Variants in CARMIL1 observed in about 807,000 individuals in gnomAD.
CARMIL1 encodes F-actin-uncapping protein LRRC16A.
In CARMIL1, 90 loss-of-function variants were observed where a neutral mutation model predicts 177.1. That is an observed-to-expected ratio of 0.51 (90% CI 0.43 to 0.61). The LOEUF is 0.61. Among genes scored for constraint, CARMIL1 ranks in the 20% least tolerant of loss-of-function variants. The probability of loss-of-function intolerance (pLI) is 0.00; values close to 1 mark genes in which losing one functional copy is unlikely to be tolerated. For synonymous variants in CARMIL1, 577 were observed against 606.2 expected, an observed-to-expected ratio of 0.95 and a Z score of 0.71; for missense variants, 1,380 against 1,667.0, an observed-to-expected ratio of 0.83 and a Z score of 3.00.
intron 8 of CARMIL1, among the ~76,000 whole-genome samples, chr6:25,454,581 T>C (rs542182495): frequency 3.9e-5 from 6 of 152,334 alleles, no homozygotes; most frequent in African/African-American, 1.2e-4. Flanking sequence ...TGTATAAATA[T>C]TACTATGGTA....
chr6:25,396,481 C>A (rs2080236465), intron 2 of CARMIL1, among the ~76,000 whole-genome samples: 1 of 151,638 alleles, frequency 6.6e-6, no homozygotes, highest in South Asian at 2.1e-4. Context: ...CCTGTCTCAG[C>A]CTCCCGAGTA....
intron 2 of CARMIL1, among the ~76,000 whole-genome samples, chr6:25,414,193 C>CT (rs1267478155): frequency 6.6e-6 from 1 of 152,174 alleles, no homozygotes; most frequent in Middle Eastern, 3.2e-3. Flanking sequence ...TCTGTAATCT[C>CT]TAACTCTCTA....
intron 17 of CARMIL1, among the ~76,000 whole-genome samples, chr6:25,502,006 A>AC (rs1264500006): frequency 2.0e-5 from 3 of 151,264 alleles, no homozygotes; most frequent in Admixed American, 2.0e-4. Context: ...AAAAAAAAAA[A>AC]AAAAAACCCA....
At chr6:25,500,130 G>A (rs1483166177) in intron 16 of CARMIL1, 36 bp from the exon 17 acceptor site, 2 of 1,584,584 alleles carry the variant, frequency 1.3e-6, no homozygotes, top group Non-Finnish European at 1.7e-6. Flanking sequence ...GCAGTGTGTG[G>A]AATGTGTATC....
At chr6:25,346,139 G>A (rs1019226418) in intron 2 of CARMIL1, among the ~76,000 whole-genome samples, 2 of 144,742 alleles carry the variant, frequency 1.4e-5, no homozygotes, top group African/African-American at 2.6e-5. Flanking sequence ...TGCAGATTAC[G>A]TCACTCTTCT....
Position 25,308,406 on chromosome 6 carries a change from G to A in CARMIL1, c.138+23497G>A, listed in dbSNP as rs530599700. Among the ~76,000 whole-genome samples the A allele has an allele frequency of 2.1e-5, 3 of 142,738 alleles. No individual in the cohort carries two copies. In the East Asian group the frequency reaches 6.1e-4, roughly 29 times the overall value. 93.6% of individuals were successfully genotyped at this position (142,738 alleles called of 152,430 possible). On this transcript the variant is annotated intron_variant, in intron 2 of 36. Coordinates refer to ENST00000329474, the MANE Select transcript of CARMIL1 (RefSeq NM_017640.6). Reference sequence around the variant, plus strand: ...TTTTTTTTTTTTTTTTTTTGAGATGGAGTCTCCCTTTGTCACCCAGACTGG... The same window carrying A: ...TTTTTTTTTTTTTTTTTTTGAGATGAAGTCTCCCTTTGTCACCCAGACTGG...
intron 11 of CARMIL1, 39 bp from the exon 12 acceptor site, chr6:25,482,218 G>T (rs760365231): frequency 5.8e-6 from 6 of 1,028,586 alleles, no homozygotes; most frequent in Admixed American, 2.1e-5. Context: ...GCAATTCTGA[G>T]AACTTGAAAA....
intron 2 of CARMIL1, among the ~76,000 whole-genome samples, chr6:25,330,102 C>T (rs1785478458): frequency 6.6e-6 from 1 of 152,208 alleles, no homozygotes; most frequent in East Asian, 1.9e-4. Flanking sequence ...ATTGAATGCT[C>T]ATGATGTGTC....
chr6:25,461,620 G>T (rs1244455924), intron 8 of CARMIL1, among the ~76,000 whole-genome samples: 2 of 152,220 alleles, frequency 1.3e-5, no homozygotes, highest in Non-Finnish European at 2.9e-5. Context: ...TATGAACATA[G>T]CTCTTAAAAA....
intron 24 of CARMIL1, 76 bp from the exon 25 acceptor site, chr6:25,537,779 C>G: frequency 1.3e-6 from 2 of 1,558,700 alleles, no homozygotes. Context: ...TTTCATACTC[C>G]TTCGTTCTGT....
chr6:25,395,907 T>C (rs1317488246), intron 2 of CARMIL1, among the ~76,000 whole-genome samples: 1 of 152,232 alleles, frequency 6.6e-6, no homozygotes, highest in Non-Finnish European at 1.5e-5. Flanking sequence ...GGATGGCTCC[T>C]AGGATCATGC....
intron 2 of CARMIL1, among the ~76,000 whole-genome samples, chr6:25,414,945 T>C (rs1795237003): frequency 6.6e-6 from 1 of 152,208 alleles, no homozygotes; most frequent in Non-Finnish European, 1.5e-5. Flanking sequence ...ATCCAACTTC[T>C]GAAGGACACT....
chr6:25,444,586 A>G (rs1424198654), intron 5 of CARMIL1, among the ~76,000 whole-genome samples: 1 of 151,916 alleles, frequency 6.6e-6, no homozygotes, highest in African/African-American at 2.4e-5. Flanking sequence ...AAGTGATCTC[A>G]TTGTTCAATT....
intron 26 of CARMIL1, among the ~76,000 whole-genome samples, chr6:25,542,299 G>A (rs926897227): frequency 6.6e-6 from 1 of 151,990 alleles, no homozygotes; most frequent in African/African-American, 2.4e-5. Context: ...CTTAGGAAAG[G>A]GCAGAAGGAA....
intron 16 of CARMIL1, among the ~76,000 whole-genome samples, chr6:25,497,826 T>TA (rs1803892246): frequency 6.6e-6 from 1 of 152,118 alleles, no homozygotes; most frequent in South Asian, 2.1e-4. Flanking sequence ...ATTGGGGAAG[T>TA]AGAGTGTTAT....
In CARMIL1 at chr6:25,451,664, G is replaced by A. The variant is rs143799856; in HGVS notation, c.614+953G>A. 4.6e-3 allele frequency among the ~76,000 whole-genome samples: 705 copies of A among 152,166 alleles called. 5 individuals carry two copies. The highest frequency in any genetic ancestry group is 7.8e-3 in the Non-Finnish European group (530 of 67,994). On this transcript the variant is annotated intron_variant, in intron 8 of 36. Transcript: ENST00000329474. ...AAATTTATTTTGCTCTCTAACAGTC[G>A]AGCCCGGCCCTATTCCAGAGTGTCT...
intron 36 of CARMIL1, chr6:25,612,933 C>T: frequency 1.0e-6 from 1 of 979,262 alleles, no homozygotes; most frequent in Non-Finnish European, 1.2e-6. Context: ...AGCTTATGAA[C>T]TGGCACTAAC....
intron 2 of CARMIL1, chr6:25,350,914 T>C (rs1393657820): frequency 2.0e-5 from 3 of 152,190 alleles, no homozygotes; most frequent in Admixed American, 2.0e-4. Context: ...ATTTAAAGAA[T>C]TGAGTGTAAG....
intron 23 of CARMIL1, 47 bp downstream of exon 23, chr6:25,520,384 TGTGGTTA>T: frequency 9.7e-7 from 1 of 1,028,250 alleles, no homozygotes; most frequent in Non-Finnish European, 1.5e-6. Flanking sequence ...ACATTTGAAT[TGTGGTTA>T]TGTTCCTGAA....
Sources: allele counts gnomAD v4.1 joint callset (sites outside exome capture counted in the v4.1 genomes callset), GRCh38; gene constraint gnomAD v4.1.1; transcripts MANE v1.5; gene names NCBI Gene and HGNC (gene_info 2026-07-23, HGNC 2026-07-21).